The following KICS2 variants were observed in gnomAD, a reference collection of about 807,000 sequenced individuals.
KICS2 encodes KICSTOR subunit 2.
KICS2 carries 13 observed loss-of-function variants against 31.4 expected under a neutral mutation model. The observed-to-expected ratio is 0.41, with a 90% CI of 0.27 to 0.66. The LOEUF (loss-of-function observed/expected upper bound fraction) is 0.66, where lower values mean the gene tolerates loss of function less well. Among genes scored for constraint, KICS2 ranks in the 30% least tolerant of loss-of-function variants. The pLI is 0.28. For synonymous variants in KICS2, 209 were observed against 214.8 expected (o/e 0.97, Z 0.24); for missense variants, 455 against 545.4 (o/e 0.83, Z 1.65).
chr12:64,187,708 G>C, downstream of KICS2: 2 of 1,414,760 alleles, frequency 1.4e-6, no homozygotes, highest in Admixed American at 4.0e-5. Flanking sequence ...CAGGGCTTTT[G>C]TGGGGAGTCA....
rs1176465093 is a variant in KICS2 at position 64,192,426 on chromosome 12, GTTC to G, written c.*1413_*1415del. On this transcript the variant is annotated 3_prime_UTR_variant, in exon 3 of 3. Transcript: ENST00000398055. ...AGGCGTGTGCCACCGTGCCTGGCCG[GTTC>G]TTCTTTCTTCTGCCAGGCAGTCCAC... 3.2e-5 allele frequency: 6 copies of G among 186,660 alleles called. No homozygotes were observed. Among genetic ancestry groups the G allele is most frequent in the Non-Finnish European group, 6.0e-5 (6 of 99,738 alleles). 11.6% of individuals were successfully genotyped at this position (186,660 alleles called of 1,614,324 possible).
In KICS2 at chr12:64,222,027, G is replaced by T; in HGVS notation, c.211C>A (p.Leu71Ile). The T allele has an allele frequency of 6.2e-7, 1 of 1,613,786 alleles. No individual in the cohort carries two copies. The highest frequency in any genetic ancestry group is 2.2e-5 in the East Asian group (1 of 44,868). The stretch of plus-strand genomic sequence containing the variant: ...CCTAGTTTCTGCCCCAGGTAGGTGA[G>T]GCTGTGATAGACCTTCTCGGCCGCG... ...LAAAEKVYHS[L>I]TYLGQKLGGQ... is the part of the protein sequence containing the mutation. The change falls in exon 1 of 3, where the codon CTC (leucine) becomes ATC (isoleucine). Residue 71 changes from leucine to isoleucine, a missense_variant. Leu to Ile is a conservative substitution (Grantham distance 5). Coordinates refer to ENST00000398055, the MANE Select transcript of KICS2 (RefSeq NM_152440.5).
Position 64,215,689 on chromosome 12 carries a change from T to G in KICS2, c.510A>C (p.Lys170Asn), listed in dbSNP as rs1215646598. Residue 170 changes from lysine to asparagine, a missense_variant, in exon 2 of 3, where the codon AAA (lysine) becomes AAC (asparagine). Lys to Asn is a moderately conservative substitution (Grantham distance 94). Transcript: ENST00000398055. ...LVGLLDAIMKKYSSRFHHPIL... is the reference protein window; with the variant it reads ...LVGLLDAIMKNYSSRFHHPIL... ...CTCCCCACACTGACCTGGAGCTGTA[T>G]TTTTTCATGATGGCATCCAAAAGGC... 2 of 1,612,992 alleles carry G rather than the reference T, an allele frequency of 1.2e-6. No individual in the cohort carries two copies. The highest frequency in any genetic ancestry group is 1.7e-6 in the Non-Finnish European group (2 of 1,179,798).
intron 2 of KICS2, among the ~76,000 whole-genome samples, chr12:64,204,198 G>A (rs1436216443): frequency 6.6e-6 from 1 of 152,100 alleles, no homozygotes; most frequent in African/African-American, 2.4e-5. Flanking sequence ...ACACACTAGT[G>A]CCTGTTGGGG....
chr12:64,207,247 T>G (rs2037547287), intron 2 of KICS2, among the ~76,000 whole-genome samples: 1 of 129,376 alleles, frequency 7.7e-6, no homozygotes, highest in Admixed American at 1.0e-4. Flanking sequence ...GAGGTTGCAG[T>G]GAGCTGGGAT....
At chr12:64,213,173 C>CTATGTATG (rs937522475) in intron 2 of KICS2, among the ~76,000 whole-genome samples, 19 of 151,640 alleles carry the variant, frequency 1.3e-4, no homozygotes, top group Non-Finnish European at 1.8e-4. Flanking sequence ...CTCAGAAAGA[C>CTATGTATG]TATGTATGTA....
intron 2 of KICS2, among the ~76,000 whole-genome samples, chr12:64,207,489 T>C (rs1346377023): frequency 6.6e-6 from 1 of 152,126 alleles, no homozygotes; most frequent in Non-Finnish European, 1.5e-5. Context: ...TTGCAGCTCC[T>C]TTCCTACCCA....
intron 2 of KICS2, among the ~76,000 whole-genome samples, chr12:64,203,773 G>C: frequency 6.6e-6 from 1 of 152,148 alleles, no homozygotes; most frequent in East Asian, 1.9e-4. Context: ...CATTATAAGA[G>C]AGAAACCGAT....
intron 2 of KICS2, among the ~76,000 whole-genome samples, chr12:64,195,965 C>T (rs1276923235): frequency 1.3e-5 from 2 of 152,162 alleles, no homozygotes; most frequent in Admixed American, 6.5e-5. Flanking sequence ...CACGGAATCT[C>T]GCTGATTGCT....
chr12:64,222,061 C>A lies in KICS2; in HGVS notation c.177G>T (p.Ala59=), dbSNP rs377159432. ...AGACCTTCTCGGCCGCGGCCAGGTG[C>A]GCCAAGGCCGCCAGCAGCGACAGCC... ...GSWLSLLAAL[A]HLAAAEKVYH... is the part of the protein sequence containing the mutation. Residue 59 remains alanine, a synonymous_variant, in exon 1 of 3, where the codon GCG becomes GCT. Coordinates refer to ENST00000398055, the MANE Select transcript of KICS2 (RefSeq NM_152440.5). 1 of 1,613,624 alleles carries A rather than the reference C, an allele frequency of 6.2e-7. No homozygotes were observed. Among genetic ancestry groups the A allele is most frequent in the Non-Finnish European group, 8.5e-7 (1 of 1,179,864 alleles).
At position 64,193,727 on chromosome 12, in the gene KICS2, A is replaced by C. The variant is rs2037403401; in HGVS notation, c.*115T>G. The C allele has an allele frequency of 3.5e-6, 5 of 1,448,946 alleles. No homozygotes were observed. The highest frequency in any genetic ancestry group is 4.5e-6 in the Non-Finnish European group (5 of 1,104,666). The allele number at this position is 1,448,946 out of a possible 1,614,324, so 89.8% of individuals were successfully genotyped here. A position where few individuals can be genotyped will look rare whatever the true frequency, so the allele number is the denominator to read the frequency against. On this transcript the variant is annotated 3_prime_UTR_variant, in exon 3 of 3. Transcript: ENST00000398055. The stretch of plus-strand genomic sequence containing the variant: ...GCAACACAGGGAGGATTTGTCTTTA[A>C]TTTAGTTCTGAAAGAGGCATGAATG...
chr12:64,188,940 G>A (rs2037359828), downstream of KICS2, among the ~76,000 whole-genome samples: 1 of 152,080 alleles, frequency 6.6e-6, no homozygotes, highest in African/African-American at 2.4e-5. Flanking sequence ...AGATCATGAG[G>A]TCAAGAGATG....
intron 2 of KICS2, among the ~76,000 whole-genome samples, chr12:64,213,914 T>C (rs1242778815): frequency 6.6e-6 from 1 of 152,192 alleles, no homozygotes; most frequent in African/African-American, 2.4e-5. Flanking sequence ...ATTCCTGCCA[T>C]CCTGTTGACA....
At chr12:64,214,606 A>C (rs1197006437) in intron 2 of KICS2, among the ~76,000 whole-genome samples, 3 of 152,144 alleles carry the variant, frequency 2.0e-5, no homozygotes, top group African/African-American at 7.2e-5. Flanking sequence ...TCGGCTGGGC[A>C]TGGTGGCTCA....
intron 2 of KICS2, among the ~76,000 whole-genome samples, chr12:64,196,903 A>G (rs953675935): frequency 6.7e-6 from 1 of 149,714 alleles, no homozygotes; most frequent in Non-Finnish European, 1.5e-5. Flanking sequence ...TTAGAGAAAA[A>G]CGAATAAAAA....
chr12:64,192,924 C>T lies in KICS2; in HGVS notation c.*918G>A, dbSNP rs1257531792. 1.4e-5 allele frequency: 14 copies of T among 985,256 alleles called. No individual in the cohort carries two copies. Among genetic ancestry groups the T allele is most frequent in the African/African-American group, 3.5e-5 (2 of 57,238 alleles). The allele number at this position is 985,256 out of a possible 1,614,324, so 61.0% of individuals were successfully genotyped here. On this transcript the variant is annotated 3_prime_UTR_variant, in exon 3 of 3. Transcript: ENST00000398055. ...AGCAAGTACAGCGTATGAAGACCTT[C>T]ATTTTGATTTTATAAAAGTAGGCTA...
rs1289636343 is a variant in KICS2, at chr12:64,194,176, G to C, written c.1004C>G (p.Ser335Cys). ...FQGHGYHHPH[S>C]YREAPKGVDQ... Reference sequence around the variant, plus strand: ...CACACCCTTGGGGGCCTCTCTGTAGGAATGGGGGTGGTGATAACCATGACC... The same window carrying C: ...CACACCCTTGGGGGCCTCTCTGTAGCAATGGGGGTGGTGATAACCATGACC... The change falls in exon 3 of 3, where the codon TCC becomes TGC. Residue 335 changes from serine (S) to cysteine (C), a missense_variant. Ser to Cys is a moderately radical substitution (Grantham distance 112). Transcript: ENST00000398055. 1.2e-6 allele frequency: 2 copies of C among 1,614,024 alleles called. No individual in the cohort carries two copies. The highest frequency in any genetic ancestry group is 1.7e-6 in the Non-Finnish European group (2 of 1,180,038).
intron 2 of KICS2, among the ~76,000 whole-genome samples, chr12:64,196,348 C>T (rs1319632734): frequency 6.6e-6 from 1 of 151,642 alleles, no homozygotes; most frequent in African/African-American, 2.4e-5. Context: ...AGACTGACAC[C>T]TCACACGGCA....
In KICS2 at chr12:64,222,282, G is replaced by A. The variant is rs1239092393; in HGVS notation, c.-45C>T. 10 of 1,597,848 alleles carry A rather than the reference G, an allele frequency of 6.3e-6. No individual in the cohort carries two copies. The highest frequency in any genetic ancestry group is 7.7e-6 in the Non-Finnish European group (9 of 1,172,362). ...GACCCACGTGGCTCTCCTCGGCCTC[G>A]CACTTCCGGGTTCTGAGGGAACGGG... On this transcript the variant is annotated 5_prime_UTR_variant, in exon 1 of 3. Transcript: ENST00000398055.
Sources: allele counts gnomAD v4.1 joint callset (sites outside exome capture counted in the v4.1 genomes callset), GRCh38; gene constraint gnomAD v4.1.1; transcripts MANE v1.5; gene names NCBI Gene and HGNC (gene_info 2026-07-23, HGNC 2026-07-21).